The following CSMD1 variants were observed in gnomAD, a reference collection of about 807,000 sequenced individuals.
The protein encoded by CSMD1 is CUB and Sushi multiple domains 1, also known as CUB and sushi domain-containing protein 1.
CSMD1 carries 213 observed loss-of-function variants against 417.5 expected under a neutral mutation model. That is an observed-to-expected ratio of 0.51 (90% CI 0.46 to 0.57). The LOEUF (loss-of-function observed/expected upper bound fraction) is 0.57, where lower values mean the gene tolerates loss of function less well. Ranked by LOEUF, CSMD1 falls within the 20% of genes least tolerant of loss-of-function variation. The probability of loss-of-function intolerance (pLI) is 0.00; values close to 1 mark genes in which losing one functional copy is unlikely to be tolerated. For missense variants in CSMD1, 6,923 were observed against 4,529.7 expected (o/e 1.53, Z -15.17); for synonymous variants, 2,862 against 1,736.8 (o/e 1.65, Z -16.11).
chr8:4,908,215 A>G (rs1330183827), intron 1 of CSMD1, among the ~76,000 whole-genome samples: 1 of 152,164 alleles, frequency 6.6e-6, no homozygotes, highest in Non-Finnish European at 1.5e-5. Context: ...TTCTGATAAG[A>G]AATTTGCTGC....
intron 5 of CSMD1, among the ~76,000 whole-genome samples, chr8:3,925,757 G>GT (rs1563217676): frequency 6.6e-6 from 1 of 152,040 alleles, no homozygotes; most frequent in African/African-American, 2.4e-5. Context: ...ATGTGGAACT[G>GT]TAAGTCCCAT....
chr8:4,964,780 T>C (rs1348369116), intron 1 of CSMD1, among the ~76,000 whole-genome samples: 1 of 152,158 alleles, frequency 6.6e-6, no homozygotes, highest in Non-Finnish European at 1.5e-5. Flanking sequence ...ATTTTGTGAA[T>C]GAAATTGTTC....
chr8:3,605,859 G>A (rs1219293342), intron 8 of CSMD1, among the ~76,000 whole-genome samples: 1 of 152,158 alleles, frequency 6.6e-6, no homozygotes, highest in Non-Finnish European at 1.5e-5. Context: ...ATTCTCTGAT[G>A]AGCAGTGCTT....
rs550958416 is a variant in CSMD1 at position 3,693,406 on chromosome 8, G to A, written c.1009+15008C>T. ...ATATAATGACTTTTGTTAAGAGTGT[G>A]GGATAGGCTGACAATTGTGGGTGGG... On this transcript the variant is annotated intron_variant, in intron 7 of 69. Coordinates refer to ENST00000635120, the MANE Select transcript of CSMD1 (RefSeq NM_033225.6). Among the ~76,000 whole-genome samples the A allele has an allele frequency of 3.4e-4, 52 of 152,236 alleles. No individual in the cohort carries two copies. The South Asian group carries it at 7.5e-3, about 22-fold the overall frequency.
At chr8:4,490,894 T>G (rs1801663075) in intron 2 of CSMD1, among the ~76,000 whole-genome samples, 1 of 152,210 alleles carries the variant, frequency 6.6e-6, no homozygotes, top group African/African-American at 2.4e-5. Flanking sequence ...AGCACAGCAG[T>G]GGTTTCTAGG....
intron 26 of CSMD1, chr8:3,279,011 G>A (rs1172612410): frequency 6.6e-6 from 1 of 152,158 alleles, no homozygotes; most frequent in East Asian, 1.9e-4. Flanking sequence ...TCCAGGTGTA[G>A]GAGTCAAATG....
At position 4,406,199 on chromosome 8, in the gene CSMD1, G is replaced by A. The variant is rs554669226; in HGVS notation, c.415+13754C>T. 5.6e-4 allele frequency among the ~76,000 whole-genome samples: 86 copies of A among 152,250 alleles called. 1 individual carries two copies. The highest frequency in any genetic ancestry group is 1.8e-3 in the African/African-American group (74 of 41,548). On this transcript the variant is annotated intron_variant, in intron 3 of 69. Coordinates refer to ENST00000635120, the MANE Select transcript of CSMD1 (RefSeq NM_033225.6). ...TGAGTAGGATTTTTCCACTGGCACC[G>A]CATTCTACTGTAATGTGCTCCAAAG...
At chr8:4,907,609 A>T (rs1405622865) in intron 1 of CSMD1, among the ~76,000 whole-genome samples, 1 of 152,138 alleles carries the variant, frequency 6.6e-6, no homozygotes, top group East Asian at 1.9e-4. Context: ...ACCCAAGCTG[A>T]AGTGCAGTGG....
chr8:4,426,324 A>G (rs1797552768), intron 2 of CSMD1, among the ~76,000 whole-genome samples: 1 of 151,080 alleles, frequency 6.6e-6, no homozygotes, highest in South Asian at 2.1e-4. Flanking sequence ...AAGTTTTTTT[A>G]ATTATGTAGT....
chr8:3,554,884 G>C (rs377482030), intron 10 of CSMD1, among the ~76,000 whole-genome samples: 1 of 152,128 alleles, frequency 6.6e-6, no homozygotes, highest in African/African-American at 2.4e-5. Context: ...GCAGTGGTGA[G>C]AGTGTCACTG....
chr8:4,244,421 C>G (rs1271687568), intron 3 of CSMD1, among the ~76,000 whole-genome samples: 1 of 152,054 alleles, frequency 6.6e-6, no homozygotes, highest in Non-Finnish European at 1.5e-5. Flanking sequence ...AGTAGAAAAG[C>G]AGGCCTGTAT....
chr8:3,839,011 T>C (rs1356125248), intron 5 of CSMD1, among the ~76,000 whole-genome samples: 1 of 127,738 alleles, frequency 7.8e-6, no homozygotes, highest in Non-Finnish European at 1.6e-5. Flanking sequence ...ATATTATATA[T>C]TTATATGTTG....
intron 3 of CSMD1, among the ~76,000 whole-genome samples, chr8:4,084,957 AAAG>A (rs1422590114): frequency 6.6e-6 from 1 of 152,222 alleles, no homozygotes; most frequent in Non-Finnish European, 1.5e-5. Context: ...GCACCTGCAG[AAAG>A]AAGGAGATGG....
intron 3 of CSMD1, among the ~76,000 whole-genome samples, chr8:4,157,501 A>G (rs373861734): frequency 1.3e-5 from 2 of 151,950 alleles, no homozygotes; most frequent in African/African-American, 2.4e-5. Flanking sequence ...GCGGAGAAAG[A>G]GGCTCAAAGA....
intron 1 of CSMD1, among the ~76,000 whole-genome samples, chr8:4,755,439 A>AT (rs1435303773): frequency 6.6e-6 from 1 of 151,972 alleles, no homozygotes; most frequent in African/African-American, 2.4e-5. Flanking sequence ...TACTATCTTA[A>AT]TTTTTTTATT....
At chr8:3,239,142 G>C (rs755447438) in intron 26 of CSMD1, among the ~76,000 whole-genome samples, 1 of 152,154 alleles carries the variant, frequency 6.6e-6, no homozygotes, top group Non-Finnish European at 1.5e-5. Flanking sequence ...TCCTTTTTAA[G>C]TGGTGGCTGA....
chr8:3,276,341 C>G (rs886860078), intron 26 of CSMD1, among the ~76,000 whole-genome samples: 1 of 152,148 alleles, frequency 6.6e-6, no homozygotes, highest in Non-Finnish European at 1.5e-5. Flanking sequence ...GATGGAAATG[C>G]AGAAATCACC....
chr8:4,092,223 C>T (rs1354695100), intron 3 of CSMD1, among the ~76,000 whole-genome samples: 3 of 152,110 alleles, frequency 2.0e-5, no homozygotes, highest in Non-Finnish European at 2.9e-5. Context: ...TTAAGGTCAT[C>T]CTAGAAAAGG....
At position 3,445,318 on chromosome 8, in the gene CSMD1, C is replaced by G. The variant is rs536924634; in HGVS notation, c.1561+23394G>C. 5.3e-5 allele frequency among the ~76,000 whole-genome samples: 8 copies of G among 152,216 alleles called. No individual in the cohort carries two copies. The South Asian group carries it at 6.2e-4, about 12-fold the overall frequency. Reference sequence around the variant, plus strand: ...ACTAAGGTAAGGGTACTAATATATCCTGGGTACCTATCACATTCTGCAGAT... The same window carrying G: ...ACTAAGGTAAGGGTACTAATATATCGTGGGTACCTATCACATTCTGCAGAT... On this transcript the variant is annotated intron_variant, in intron 12 of 69. Transcript: ENST00000635120.
Sources: gnomAD v4.1 joint callset for allele counts (sites outside exome capture counted in the v4.1 genomes callset) on GRCh38, gnomAD v4.1.1 for gene constraint, MANE v1.5 for transcripts, NCBI Gene and HGNC (gene_info 2026-07-23, HGNC 2026-07-21) for gene names.